The following FLT3LG variants were observed in gnomAD, a reference collection of about 807,000 sequenced individuals.
The protein encoded by FLT3LG is fms-related tyrosine kinase 3 ligand.
In FLT3LG, 8 loss-of-function variants were observed where a neutral mutation model predicts 30.9. The ratio of observed to expected loss-of-function variants is 0.26; its 90% CI spans 0.15 to 0.47. The LOEUF is 0.47. Ranked by LOEUF, FLT3LG falls within the 20% of genes least tolerant of loss-of-function variation. The pLI is 0.99. For missense variants in FLT3LG, 278 were observed against 306.2 expected, an observed-to-expected ratio of 0.91 and a Z score of 0.69; for synonymous variants, 123 against 135.9, an observed-to-expected ratio of 0.91 and a Z score of 0.66.
At chr19:49,481,979 C>T (rs986711647) in intron 8 of FLT3LG, 3 of 151,798 alleles carry the variant, frequency 2.0e-5, no homozygotes, top group African/African-American at 7.3e-5. Context: ...AGGTGTGAGC[C>T]ACTGTTCCTG....
chr19:49,482,753 G>A (rs1354797896), intron 8 of FLT3LG, among the ~76,000 whole-genome samples: 3 of 150,870 alleles, frequency 2.0e-5, no homozygotes, highest in African/African-American at 7.3e-5. Flanking sequence ...TCAGTCTACC[G>A]AGTAGCTGGG....
At chr19:49,483,481 A>G (rs1296860434) in intron 8 of FLT3LG, among the ~76,000 whole-genome samples, 1 of 152,118 alleles carries the variant, frequency 6.6e-6, no homozygotes, top group African/African-American at 2.4e-5. Flanking sequence ...ACAGTTGCCA[A>G]AAGTAGACTC....
Position 49,476,082 on chromosome 19 carries a change from T to G in FLT3LG, c.145-63T>G, listed in dbSNP as rs1328839939. ...CTCTCTGGATCTCTGCTGCCACCTC[T>G]GGGTCCCCACAGTTCTGTTTCTCGC... is the stretch of plus-strand genomic sequence containing the variant. On this transcript the variant is annotated intron_variant, in intron 3 of 8. Coordinates refer to ENST00000597551, the MANE Select transcript of FLT3LG (RefSeq NM_001459.4). The surrounding 1 kb of genome is among the most constrained non-coding windows in gnomAD (Gnocchi z 5.3). 3 of 1,581,710 alleles carry G rather than the reference T, an allele frequency of 1.9e-6. No homozygotes were observed. The highest frequency in any genetic ancestry group is 2.6e-6 in the Non-Finnish European group (3 of 1,151,052).
In FLT3LG at chr19:49,474,660, C is replaced by G; in HGVS notation, c.21C>G (p.Ala7=). The G allele has an allele frequency of 6.2e-7, 1 of 1,612,522 alleles. No individual in the cohort carries two copies. Among genetic ancestry groups the G allele is most frequent in the Non-Finnish European group, 8.5e-7 (1 of 1,179,688 alleles). Residue 7 remains alanine (A), a synonymous_variant, in exon 2 of 9, where the codon GCC becomes GCG. Transcript: ENST00000597551. Reference sequence around the variant, plus strand: ...CCGAAATGACAGTGCTGGCGCCAGCCTGGAGCCCAACAGTGCGTAAACCCC... The same window carrying G: ...CCGAAATGACAGTGCTGGCGCCAGCGTGGAGCCCAACAGTGCGTAAACCCC... MTVLAP[A]WSPTTYLLLL...
intron 2 of FLT3LG, 91 bp from the exon 3 acceptor site, chr19:49,475,600 G>C: frequency 6.8e-7 from 1 of 1,479,554 alleles, no homozygotes; most frequent in Non-Finnish European, 9.0e-7. Context: ...AAGGAGGAGC[G>C]GGGAAGACAG....
chr19:49,475,850 C>CTTT, intron 3 of FLT3LG, 49 bp downstream of exon 3: 4 of 1,330,180 alleles, frequency 3.0e-6, no homozygotes, highest in Non-Finnish European at 4.1e-6. Flanking sequence ...CTTCCCCCCA[C>CTTT]TTTTTTTTTT....
intron 2 of FLT3LG, among the ~76,000 whole-genome samples, chr19:49,474,968 A>G (rs1255276566): frequency 3.0e-5 from 3 of 101,150 alleles, no homozygotes; most frequent in Non-Finnish European, 3.8e-5. Flanking sequence ...GACAGAGGAG[A>G]GGGCAGATGA....
intron 5 of FLT3LG, 50 bp from the exon 6 acceptor site, chr19:49,478,859 G>T: frequency 6.9e-7 from 1 of 1,444,042 alleles, no homozygotes; most frequent in Non-Finnish European, 9.2e-7. Flanking sequence ...GCCTGCGGAG[G>T]GGCGGTGGGG....
intron 1 of FLT3LG, 22 bp downstream of exon 1, chr19:49,474,303 C>G: frequency 2.0e-6 from 1 of 499,972 alleles, no homozygotes; most frequent in Non-Finnish European, 3.6e-6. Flanking sequence ...GACTTGGACT[C>G]TAGGTCCCCA....
rs139030893 is a variant in FLT3LG, at chr19:49,479,865, C to T, written c.482-433C>T. 2.3e-3 allele frequency: 350 copies of T among 154,802 alleles called. 1 individual carries two copies. Among genetic ancestry groups the T allele is most frequent in the Middle Eastern group, 7.0e-3 (2 of 284 alleles). 9.6% of individuals were successfully genotyped at this position (154,802 alleles called of 1,614,324 possible). ...TGTCGCCCAGGCTGGAGTGCAGTGGCGCAATCTTGGCTCACTGCAACCTCC... is the reference window on the plus strand; with the variant it reads ...TGTCGCCCAGGCTGGAGTGCAGTGGTGCAATCTTGGCTCACTGCAACCTCC... On this transcript the variant is annotated intron_variant, in intron 6 of 8. Transcript: ENST00000597551.
chr19:49,479,086 T>G (rs540792169), intron 6 of FLT3LG, 39 bp downstream of exon 6: 5 of 1,577,254 alleles, frequency 3.2e-6, no homozygotes, highest in African/African-American at 1.4e-5. Context: ...TCCCCTCCTG[T>G]CCTCACGGCC....
At chr19:49,480,159 G>C (rs2079552229) in intron 6 of FLT3LG, 139 bp from the exon 7 acceptor site, 2 of 634,950 alleles carry the variant, frequency 3.1e-6, no homozygotes, top group African/African-American at 1.8e-5. Context: ...GATTATCCTA[G>C]TTTTACAGAT....
intron 2 of FLT3LG, among the ~76,000 whole-genome samples, chr19:49,475,420 T>G (rs1176573223): frequency 7.1e-5 from 7 of 98,258 alleles, no homozygotes; most frequent in East Asian, 2.9e-4. Flanking sequence ...GAAGATGAGG[T>G]GGTTGGAGAG....
At chr19:49,477,067 G>C (rs971277517) in intron 5 of FLT3LG, among the ~76,000 whole-genome samples, 3 of 152,118 alleles carry the variant, frequency 2.0e-5, no homozygotes, top group Non-Finnish European at 2.9e-5. Context: ...AGAGGCTGCA[G>C]TGAGCCGAGA....
rs747589247 is a variant in FLT3LG at position 49,474,647 on chromosome 19, T to G, written c.8T>G (p.Val3Gly). ...GAGGGGCCCCCGGCCGAAATGACAG[T>G]GCTGGCGCCAGCCTGGAGCCCAACA... MT[V>G]LAPAWSPTTY... The change falls in exon 2 of 9, where the codon GTG (valine) becomes GGG (glycine). Residue 3 changes from valine to glycine, a missense_variant. Physicochemically the swap from Val to Gly is moderately radical, Grantham distance 109. Transcript: ENST00000597551. 2 of 1,612,374 alleles carry G rather than the reference T, an allele frequency of 1.2e-6. No homozygotes were observed. Among genetic ancestry groups the G allele is most frequent in the Non-Finnish European group, 1.7e-6 (2 of 1,179,680 alleles).
chr19:49,480,676 C>T (rs1260362634), intron 8 of FLT3LG, 56 bp downstream of exon 8: 7 of 1,524,866 alleles, frequency 4.6e-6, no homozygotes, highest in Non-Finnish European at 6.2e-6. Context: ...TTGGGAGGGT[C>T]ACTAGGAGGC....
At chr19:49,479,995 G>A (rs1328114047) in intron 6 of FLT3LG, among the ~76,000 whole-genome samples, 1 of 151,136 alleles carries the variant, frequency 6.6e-6, no homozygotes, top group Non-Finnish European at 1.5e-5. Context: ...GTAGAGATGG[G>A]TTTTCACCAT....
intron 5 of FLT3LG, 22 bp from the exon 6 acceptor site, chr19:49,478,887 C>T (rs904016135): frequency 4.5e-5 from 67 of 1,493,294 alleles, no homozygotes; most frequent in Non-Finnish European, 5.8e-5. Flanking sequence ...GTGGTGGTGA[C>T]GTCTCCCTCC....
At chr19:49,477,210 G>T (rs903320351) in intron 5 of FLT3LG, among the ~76,000 whole-genome samples, 1 of 152,132 alleles carries the variant, frequency 6.6e-6, no homozygotes, top group African/African-American at 2.4e-5. Flanking sequence ...GGAGGCCAAG[G>T]TGGGAGGATT....
Sources: gnomAD v4.1 joint callset for allele counts (sites outside exome capture counted in the v4.1 genomes callset) on GRCh38, gnomAD v4.1.1 for gene constraint, Gnocchi (gnomAD v3.1) non-coding constraint, MANE v1.5 for transcripts, NCBI Gene and HGNC (gene_info 2026-07-23, HGNC 2026-07-21) for gene names.